The following IDO2 variants were observed in gnomAD, a reference collection of about 807,000 sequenced individuals.
IDO2 encodes the protein indoleamine 2,3-dioxygenase-like 1 protein.
Under a neutral mutation model 45.1 loss-of-function variants are expected in IDO2, and 46 were observed. That is an observed-to-expected ratio of 1.02 (90% CI 0.80 to 1.30). The LOEUF (loss-of-function observed/expected upper bound fraction) is 1.30, where lower values mean the gene tolerates loss of function less well. Among genes scored for constraint, IDO2 ranks in the 50% most tolerant of loss-of-function variants. IDO2 has a pLI of 0.00. For missense variants in IDO2, 544 were observed against 491.8 expected (o/e 1.11, Z -1.00); for synonymous variants, 218 against 184.9 (o/e 1.18, Z -1.45).
intron 8 of IDO2, among the ~76,000 whole-genome samples, chr8:39,994,424 A>G (rs1280488086): frequency 6.6e-6 from 1 of 151,726 alleles, no homozygotes. Context: ...CACCCGGCTG[A>G]TTTTGTATTT....
chr8:39,979,776 T>G (rs1255075564), intron 4 of IDO2, among the ~76,000 whole-genome samples: 3 of 152,248 alleles, frequency 2.0e-5, no homozygotes, highest in African/African-American at 7.2e-5. Flanking sequence ...TGTTTGTTTT[T>G]GGCACTCTCT....
intron 2 of IDO2, among the ~76,000 whole-genome samples, chr8:39,958,649 C>A (rs546559182): frequency 3.9e-5 from 6 of 152,298 alleles, no homozygotes; most frequent in Non-Finnish European, 7.4e-5. Flanking sequence ...CGGGGTTTCA[C>A]CATGATGGCC....
chr8:39,951,316 C>T (rs1182506526), intron 2 of IDO2, among the ~76,000 whole-genome samples: 1 of 141,538 alleles, frequency 7.1e-6, no homozygotes, highest in Admixed American at 7.3e-5. Context: ...CTTTCTATCG[C>T]CCAGGCTGGA....
rs79618523 is a variant in IDO2, at chr8:39,942,187, G to A, written c.-17-6962G>A. Reference sequence around the variant, plus strand: ...TTCCCTGTTATATGGTAGGTGCTTCGCTTATAGTTTCTCATTAATTCATCA... The same window carrying A: ...TTCCCTGTTATATGGTAGGTGCTTCACTTATAGTTTCTCATTAATTCATCA... On this transcript the variant is annotated intron_variant, in intron 1 of 10. Transcript: ENST00000502986. 8.9e-3 allele frequency among the ~76,000 whole-genome samples: 1,362 copies of A among 152,276 alleles called. 13 individuals are homozygous for A. The highest frequency in any genetic ancestry group is 0.036 in the South Asian group (175 of 4,822).
At chr8:39,946,322 T>A (rs942303748) in intron 1 of IDO2, among the ~76,000 whole-genome samples, 1 of 152,186 alleles carries the variant, frequency 6.6e-6, no homozygotes, top group Admixed American at 6.5e-5. Flanking sequence ...CCTTAAAAAC[T>A]CTGCTCCCAC....
chr8:39,969,748 A>T (rs79542553), intron 3 of IDO2, among the ~76,000 whole-genome samples: 9,602 of 152,116 alleles, frequency 0.063, 654 homozygotes, highest in East Asian at 0.31. Context: ...GGTGGTGCAC[A>T]CCTGTAATCC....
chr8:39,994,406 T>C (rs924097231), intron 8 of IDO2, among the ~76,000 whole-genome samples: 3 of 152,050 alleles, frequency 2.0e-5, no homozygotes, highest in East Asian at 3.9e-4. Context: ...TATAGGCGTG[T>C]GCCACCACAC....
intron 3 of IDO2, among the ~76,000 whole-genome samples, chr8:39,973,454 T>G (rs1329533553): frequency 1.3e-5 from 2 of 152,014 alleles, no homozygotes; most frequent in Admixed American, 1.3e-4. Context: ...ATAATTTCCT[T>G]TCCTTAGGAA....
intron 9 of IDO2, among the ~76,000 whole-genome samples, chr8:40,006,327 AT>A (rs1436996701): frequency 2.0e-5 from 3 of 152,168 alleles, no homozygotes; most frequent in Non-Finnish European, 4.4e-5. Context: ...GCGTTAGGTG[AT>A]TTTGCCCAAC....
At chr8:39,975,560 A>G (rs1030263569) in intron 3 of IDO2, among the ~76,000 whole-genome samples, 4 of 152,216 alleles carry the variant, frequency 2.6e-5, no homozygotes, top group Non-Finnish European at 5.9e-5. Flanking sequence ...CAAGAAAATG[A>G]AAGTTAAAAC....
At chr8:39,983,098 G>T (rs1482296597) in intron 5 of IDO2, among the ~76,000 whole-genome samples, 1 of 152,102 alleles carries the variant, frequency 6.6e-6, no homozygotes, top group Non-Finnish European at 1.5e-5. Context: ...ATTCATATCA[G>T]GTTAAAACCA....
At chr8:40,015,687 C>A in exon 11 of IDO2, 1 of 949,940 alleles carries the variant, frequency 1.1e-6, no homozygotes, top group South Asian at 1.6e-5. Flanking sequence ...TGCCTGGGAT[C>A]ATCCAGGAAG....
chr8:39,975,157 GA>G lies in IDO2; in HGVS notation c.196-3909del, dbSNP rs1808239945. The stretch of plus-strand genomic sequence containing the variant: ...ATTTTTCTAATATGGCACAACATTG[GA>G]GTTTTTTTTTTTGTTTTTTTTTTTT... On this transcript the variant is annotated intron_variant, in intron 3 of 10. Coordinates refer to ENST00000502986, the Ensembl canonical transcript of IDO2. Among the ~76,000 whole-genome samples the G allele has an allele frequency of 2.2e-4, 26 of 116,254 alleles. No individual in the cohort carries two copies. In the Admixed American group the frequency reaches 3.0e-3, roughly 14 times the overall value. 76.3% of individuals were successfully genotyped at this position (116,254 alleles called of 152,430 possible).
intron 3 of IDO2, among the ~76,000 whole-genome samples, chr8:39,978,747 T>C (rs949135396): frequency 2.6e-5 from 4 of 151,998 alleles, no homozygotes; most frequent in Admixed American, 6.6e-5. Flanking sequence ...TCCTGGGAGT[T>C]AAGTATCCTA....
Position 39,941,221 on chromosome 8 carries a change from C to CAAAAA in IDO2, c.-18+6017_-18+6021dup, listed in dbSNP as rs59745370. Among the ~76,000 whole-genome samples the CAAAAA allele has an allele frequency of 5.4e-3, 434 of 80,498 alleles. 29 individuals carry two copies. Among genetic ancestry groups the CAAAAA allele is most frequent in the African/African-American group, 0.024 (395 of 16,310 alleles). The allele number at this position is 80,498 out of a possible 152,430, so 52.8% of individuals were successfully genotyped here. A position where few individuals can be genotyped will look rare whatever the true frequency, so the allele number is the denominator to read the frequency against. On this transcript the variant is annotated intron_variant, in intron 1 of 10. Transcript: ENST00000502986. ...TGGGTGACAAAGCAAGACTCCATCT[C>CAAAAA]AAAAAAAAAAAAAAAAAAGCCTCCT...
intron 4 of IDO2, among the ~76,000 whole-genome samples, chr8:39,980,088 T>G (rs1307906998): frequency 6.6e-6 from 1 of 152,222 alleles, no homozygotes; most frequent in African/African-American, 2.4e-5. Context: ...CCTCCTGTGC[T>G]GGGATTACAG....
At chr8:39,983,649 A>G (rs1209156531) in intron 5 of IDO2, among the ~76,000 whole-genome samples, 2 of 152,166 alleles carry the variant, frequency 1.3e-5, no homozygotes, top group Admixed American at 6.5e-5. Flanking sequence ...GGATCATCTG[A>G]GGTCAGGAGT....
At chr8:40,004,733 C>T (rs183557681) in intron 8 of IDO2, among the ~76,000 whole-genome samples, 1 of 152,260 alleles carries the variant, frequency 6.6e-6, no homozygotes, top group Non-Finnish European at 1.5e-5. Flanking sequence ...TCCTTACATA[C>T]AAGTTAGTAA....
intron 2 of IDO2, among the ~76,000 whole-genome samples, chr8:39,953,060 G>A (rs10108429): frequency 6.6e-5 from 10 of 151,966 alleles, no homozygotes; most frequent in South Asian, 4.2e-4. Flanking sequence ...GAACCACTGC[G>A]CCTGGCCTAA....
Sources: gnomAD v4.1 joint callset for allele counts (sites outside exome capture counted in the v4.1 genomes callset) on GRCh38, gnomAD v4.1.1 for gene constraint, MANE v1.5 for transcripts, NCBI Gene and HGNC (gene_info 2026-07-23, HGNC 2026-07-21) for gene names.